Variants in ITGA3 observed in about 807,000 individuals in gnomAD.
ITGA3 encodes integrin subunit alpha 3, also known as integrin alpha-3.
Under a neutral mutation model 131.1 loss-of-function variants are expected in ITGA3, and 70 were observed. The observed-to-expected ratio is 0.53, with a 90% CI of 0.44 to 0.65. The LOEUF (loss-of-function observed/expected upper bound fraction) is 0.65. ITGA3 is among the 30% of genes least tolerant of loss of function. The pLI is 0.00. For missense variants in ITGA3, 1,098 were observed against 1,388.6 expected (o/e 0.79, Z 3.33); for synonymous variants, 537 against 571.6 (o/e 0.94, Z 0.86).
In ITGA3 at chr17:50,071,958, A is replaced by G. The variant is rs200202112; in HGVS notation, c.960-28A>G. ...GCTGCATATTGGAGGCTGACCTCAC[A>G]CTCCCATTTCCCTCCTCTCCTGTGT... On this transcript the variant is annotated intron_variant, in intron 6 of 25. Coordinates refer to ENST00000320031, the MANE Select transcript of ITGA3 (RefSeq NM_002204.4). The G allele has an allele frequency of 1.6e-5, 26 of 1,591,264 alleles. No individual in the cohort carries two copies. The East Asian group carries it at 5.6e-4, about 34-fold the overall frequency.
At chr17:50,075,181 CTGGG>C (rs1908822945) in intron 10 of ITGA3, among the ~76,000 whole-genome samples, 1 of 152,178 alleles carries the variant, frequency 6.6e-6, no homozygotes, top group Admixed American at 6.5e-5. Flanking sequence ...CAAGACTGGG[CTGGG>C]CCACCAACTG....
At position 50,056,531 on chromosome 17, in the gene ITGA3, C is replaced by G. The variant is rs1436808139; in HGVS notation, c.92C>G (p.Ser31Cys). Residue 31 changes from serine to cysteine, a missense_variant, in exon 1 of 26, where the codon TCC (serine) becomes TGC (cysteine). Physicochemically the swap from Ser to Cys is moderately radical, Grantham distance 112. Transcript: ENST00000320031. This position sits in a 1 kb window ranked among gnomAD's most constrained non-coding sequence, Gnocchi z 5.6. ...LMVAAGGCVV[S>C]AFNLDTRFLV... ...GTGGCGGCCGGCGGCTGCGTCGTCT[C>G]CGCCTTCAACCTGGATACCCGATTC... 1 of 1,554,592 alleles carries G rather than the reference C, an allele frequency of 6.4e-7. No homozygotes were observed. The highest frequency in any genetic ancestry group is 8.7e-7 in the Non-Finnish European group (1 of 1,149,864).
rs561455531 is a variant in ITGA3, at chr17:50,067,652, C to T, written c.415-404C>T. On this transcript the variant is annotated intron_variant, in intron 3 of 25. Coordinates refer to ENST00000320031, the MANE Select transcript of ITGA3 (RefSeq NM_002204.4). ...TGTTAGCTGCTGCTATTATTATTAC[C>T]GTCATTGTAATTATTATTTTAATAA... is the stretch of plus-strand genomic sequence containing the variant. Among the ~76,000 whole-genome samples, 10 of 152,212 alleles carry T rather than the reference C, an allele frequency of 6.6e-5. No individual in the cohort carries two copies. The East Asian group carries it at 1.5e-3, about 23-fold the overall frequency.
intron 1 of ITGA3, among the ~76,000 whole-genome samples, chr17:50,059,308 C>T (rs1336874362): frequency 2.0e-5 from 3 of 152,198 alleles, no homozygotes; most frequent in Non-Finnish European, 2.9e-5. Flanking sequence ...GACATTCCCT[C>T]CTGGGAATCC....
intron 4 of ITGA3, among the ~76,000 whole-genome samples, chr17:50,070,231 C>T (rs1303796660): frequency 6.6e-6 from 1 of 152,176 alleles, no homozygotes; most frequent in Non-Finnish European, 1.5e-5. Context: ...ATCCAGGAGC[C>T]TGAGTGATTA....
In ITGA3 at chr17:50,088,388, C is replaced by T. The variant is rs893322258; in HGVS notation, c.*31+22C>T. 2.3e-6 allele frequency: 3 copies of T among 1,320,260 alleles called. No homozygotes were observed. In the Admixed American group the frequency reaches 6.0e-5, roughly 26 times the overall value. 81.8% of individuals were successfully genotyped at this position (1,320,260 alleles called of 1,614,324 possible). On this transcript the variant is annotated intron_variant, in intron 25 of 25. Transcript: ENST00000320031. ...CTGGGTAACACGGCCTCCGGGCCCC[C>T]TTCCCCGAGCCCCACAGCTGGCCGG...
chr17:50,080,685 T>TC (rs1030047667), intron 22 of ITGA3, among the ~76,000 whole-genome samples: 2 of 151,856 alleles, frequency 1.3e-5, no homozygotes, highest in Non-Finnish European at 2.9e-5. Flanking sequence ...ACCCCTATTT[T>TC]GTTTTCAAGG....
intron 8 of ITGA3, 49 bp from the exon 9 acceptor site, chr17:50,074,094 CT>C (rs1207879514): frequency 3.5e-5 from 55 of 1,568,556 alleles, no homozygotes; most frequent in Non-Finnish European, 4.4e-5. Context: ...CTGTAGCCCC[CT>C]GGGCCCTGCT....
rs975600462 is a variant in ITGA3, at chr17:50,056,266, G to C, written c.-174G>C. The C allele has an allele frequency of 2.0e-6, 1 of 492,236 alleles. No homozygotes were observed. Among genetic ancestry groups the C allele is most frequent in the East Asian group, 3.5e-5 (1 of 28,186 alleles). 30.5% of individuals were successfully genotyped at this position (492,236 alleles called of 1,614,324 possible). A position where few individuals can be genotyped will look rare whatever the true frequency, so the allele number is the denominator to read the frequency against. The stretch of plus-strand genomic sequence containing the variant: ...ACGGATCTTAGGAAGGGATCCGAGA[G>C]CGCAGCTGTGAAACTGGCTGGGGCT... On this transcript the variant is annotated 5_prime_UTR_variant, in exon 1 of 26. Coordinates refer to ENST00000320031, the MANE Select transcript of ITGA3 (RefSeq NM_002204.4). The surrounding 1 kb of genome is among the most constrained non-coding windows in gnomAD (Gnocchi z 5.6).
chr17:50,063,563 A>G (rs1908190027), intron 1 of ITGA3: 1 of 157,972 alleles, frequency 6.3e-6, no homozygotes, highest in Non-Finnish European at 1.4e-5. Context: ...ATTCCTTCCA[A>G]AACTGAGATC....
Position 50,078,428 on chromosome 17 carries a change from C to T in ITGA3, c.2297+144C>T, listed in dbSNP as rs549531909. 1.2e-4 allele frequency: 75 copies of T among 640,198 alleles called. 1 individual carries two copies. In the South Asian group the frequency reaches 1.5e-3, roughly 13 times the overall value. 39.7% of individuals were successfully genotyped at this position (640,198 alleles called of 1,614,324 possible). On this transcript the variant is annotated intron_variant, in intron 18 of 25. Coordinates refer to ENST00000320031, the MANE Select transcript of ITGA3 (RefSeq NM_002204.4). ...TCCACTTTCCCTGGATCATCCTTTTCTTAACAACAACAATCACTATCGTTA... is the reference window on the plus strand; with the variant it reads ...TCCACTTTCCCTGGATCATCCTTTTTTTAACAACAACAATCACTATCGTTA...
In ITGA3 at chr17:50,068,320, G is replaced by T. The variant is rs752723243; in HGVS notation, c.664+15G>T. 5 of 1,610,240 alleles carry T rather than the reference G, an allele frequency of 3.1e-6. No homozygotes were observed. In the South Asian group the frequency reaches 3.3e-5, roughly 11 times the overall value. The stretch of plus-strand genomic sequence containing the variant: ...CAACTGGAAAGGTGGGGACCATGGG[G>T]CCATGGGGGAAGAAAGGAAGAGCAG... On this transcript the variant is annotated intron_variant, in intron 4 of 25. Coordinates refer to ENST00000320031, the MANE Select transcript of ITGA3 (RefSeq NM_002204.4).
In ITGA3 at chr17:50,089,206, AC is replaced by A. The variant is rs778106113; in HGVS notation, c.*131del. On this transcript the variant is annotated 3_prime_UTR_variant, in exon 26 of 26. Transcript: ENST00000320031. Reference sequence around the variant, plus strand: ...GGAGCGCTACCCACCTCCAGGGAGCACCCTGCCCACCAAGAAGCACTGGGTG... The same window carrying A: ...GGAGCGCTACCCACCTCCAGGGAGCACCTGCCCACCAAGAAGCACTGGGTG... 25 of 1,613,636 alleles carry A rather than the reference AC, an allele frequency of 1.5e-5. No homozygotes were observed. The African/African-American group carries it at 3.1e-4, about 20-fold the overall frequency.
intron 23 of ITGA3, 89 bp from the exon 24 acceptor site, chr17:50,087,653 CAG>C: frequency 7.0e-7 from 1 of 1,433,638 alleles, no homozygotes; most frequent in Non-Finnish European, 9.5e-7. Flanking sequence ...GCAGGACAAA[CAG>C]CAGGTGCCTG....
Position 50,056,617 on chromosome 17 carries a change from C to T in ITGA3, c.178C>T (p.Arg60Trp), listed in dbSNP as rs1290309842. The change falls in exon 1 of 26, where the codon CGG (arginine) becomes TGG (tryptophan). Residue 60 changes from arginine (R) to tryptophan (W), a missense_variant. Transcript: ENST00000320031. The surrounding 1 kb of genome is among the most constrained non-coding windows in gnomAD (Gnocchi z 5.6). ...SLFGYSVALH[R>W]QTERQQRYLL... ...CTTCGGCTACTCGGTCGCCCTCCAT[C>T]GGCAGACAGAGCGGCAGCAGCGCTA... is the stretch of plus-strand genomic sequence containing the variant. 4 of 1,602,956 alleles carry T rather than the reference C, an allele frequency of 2.5e-6. No individual in the cohort carries two copies. Among genetic ancestry groups the T allele is most frequent in the Non-Finnish European group, 2.6e-6 (3 of 1,175,646 alleles).
chr17:50,069,788 C>T (rs1050815877), intron 4 of ITGA3, among the ~76,000 whole-genome samples: 1 of 152,162 alleles, frequency 6.6e-6, no homozygotes, highest in African/African-American at 2.4e-5. Context: ...TTGTAAAAGA[C>T]CATGCTTGTA....
chr17:50,087,732 T>G lies in ITGA3; in HGVS notation c.2920-12T>G, dbSNP rs60377725. 8.1e-6 allele frequency: 13 copies of G among 1,609,798 alleles called. No homozygotes were observed. The highest frequency in any genetic ancestry group is 1.0e-5 in the Non-Finnish European group (12 of 1,177,714). On this transcript the variant is annotated splice_polypyrimidine_tract_variant and intron_variant, in intron 23 of 25. Transcript: ENST00000320031. ...GCTGACACAGGGCTGAGTCCTCCTC[T>G]CCCCGCTCCAGTTCTCTGTGGACAT...
Position 50,090,465 on chromosome 17 carries a change from A to C in ITGA3, c.*1387A>C. 4.2e-6 allele frequency: 1 copy of C among 236,208 alleles called. No individual in the cohort carries two copies. The highest frequency in any genetic ancestry group is 8.9e-6 in the Non-Finnish European group (1 of 111,954). 14.6% of individuals were successfully genotyped at this position (236,208 alleles called of 1,614,324 possible). Reference sequence around the variant, plus strand: ...ATAGGCTTCTCACGGCGACCAATAAACAGCTCCCAGTTTGTATGCAGCTGC... The same window carrying C: ...ATAGGCTTCTCACGGCGACCAATAACCAGCTCCCAGTTTGTATGCAGCTGC... On this transcript the variant is annotated 3_prime_UTR_variant, in exon 26 of 26. Coordinates refer to ENST00000320031, the MANE Select transcript of ITGA3 (RefSeq NM_002204.4).
At chr17:50,074,600 C>T (rs572549092) in intron 10 of ITGA3, 66 bp downstream of exon 10, 1 of 1,127,188 alleles carries the variant, frequency 8.9e-7, no homozygotes, top group East Asian at 2.4e-5. Context: ...CTGCAGCTCC[C>T]AAACCCCTCC....
Sources: gnomAD v4.1 joint callset for allele counts (sites outside exome capture counted in the v4.1 genomes callset) on GRCh38, gnomAD v4.1.1 for gene constraint, Gnocchi (gnomAD v3.1) non-coding constraint, MANE v1.5 for transcripts, NCBI Gene and HGNC (gene_info 2026-07-23, HGNC 2026-07-21) for gene names.